SHC4: variants seen among roughly 807,000 people sequenced by gnomAD.
SHC4 encodes SHC-transforming protein 4.
Under a neutral mutation model 69.4 loss-of-function variants are expected in SHC4, and 41 were observed. The ratio of observed to expected loss-of-function variants is 0.59; its 90% CI spans 0.46 to 0.77. The LOEUF (loss-of-function observed/expected upper bound fraction) is 0.77. Among genes scored for constraint, SHC4 ranks in the 30% least tolerant of loss-of-function variants. The pLI is 0.00. For missense variants in SHC4, 777 were observed against 783.8 expected (o/e 0.99, Z 0.10); for synonymous variants, 318 against 299.3 (o/e 1.06, Z -0.64).
chr15:48,916,716 A>G (rs1900629280), intron 2 of SHC4, among the ~76,000 whole-genome samples: 1 of 151,922 alleles, frequency 6.6e-6, no homozygotes, highest in Non-Finnish European at 1.5e-5. Flanking sequence ...ACAGTTCCCC[A>G]TTTTCCTTCA....
intron 11 of SHC4, among the ~76,000 whole-genome samples, chr15:48,828,411 G>T (rs529377145): frequency 2.0e-5 from 3 of 152,016 alleles, no homozygotes; most frequent in Non-Finnish European, 4.4e-5. Flanking sequence ...ATTGTTTAGT[G>T]GATCTTAGTT....
At chr15:48,843,941 A>G (rs1899041875) in intron 9 of SHC4, among the ~76,000 whole-genome samples, 1 of 152,250 alleles carries the variant, frequency 6.6e-6, no homozygotes, top group South Asian at 2.1e-4. Flanking sequence ...AACACTGCTC[A>G]GAGGGGTTGC....
At chr15:48,870,003 A>G (rs1899637240) in intron 5 of SHC4, among the ~76,000 whole-genome samples, 1 of 152,212 alleles carries the variant, frequency 6.6e-6, no homozygotes, top group South Asian at 2.1e-4. Flanking sequence ...AAAAATTAAG[A>G]TTCTGGAGAA....
intron 11 of SHC4, among the ~76,000 whole-genome samples, chr15:48,826,333 C>T (rs1898688861): frequency 6.6e-6 from 1 of 151,388 alleles, no homozygotes; most frequent in Admixed American, 6.6e-5. Flanking sequence ...CTCACTGCAA[C>T]CTCCACCTCC....
intron 10 of SHC4, among the ~76,000 whole-genome samples, chr15:48,837,316 CT>C (rs1472154725): frequency 2.0e-5 from 3 of 152,294 alleles, no homozygotes; most frequent in Admixed American, 2.0e-4. Flanking sequence ...CAAACATTTG[CT>C]GAAAATCTGA....
Position 48,896,378 on chromosome 15 carries a change from T to C in SHC4, c.657-5567A>G, listed in dbSNP as rs368305642. Among the ~76,000 whole-genome samples the C allele has an allele frequency of 2.5e-4, 38 of 151,066 alleles. No homozygotes were observed. The East Asian group carries it at 6.1e-3, about 24-fold the overall frequency. On this transcript the variant is annotated intron_variant, in intron 2 of 11. Transcript: ENST00000332408. ...CTCTGTCGGCCAGGCTGGAGTTCAA[T>C]GGCATGATCTCAGCTCACTGCAACC...
At chr15:48,888,083 A>G (rs1160509277) in intron 3 of SHC4, among the ~76,000 whole-genome samples, 9 of 152,356 alleles carry the variant, frequency 5.9e-5, no homozygotes, top group Admixed American at 2.6e-4. Context: ...AAAAAATAGA[A>G]TAACCACATG....
intron 10 of SHC4, among the ~76,000 whole-genome samples, chr15:48,837,932 T>C (rs1394822852): frequency 1.3e-5 from 2 of 152,142 alleles, no homozygotes; most frequent in Non-Finnish European, 2.9e-5. Context: ...GGATGAGACA[T>C]TTAAAGAAAC....
intron 1 of SHC4, chr15:48,946,660 T>C: frequency 1.1e-6 from 1 of 901,680 alleles, no homozygotes; most frequent in Non-Finnish European, 1.3e-6. Flanking sequence ...TGTTCCCCAT[T>C]CCTTGCTTAT....
At chr15:48,961,951 G>A (rs1901552805) in intron 1 of SHC4, among the ~76,000 whole-genome samples, 1 of 152,184 alleles carries the variant, frequency 6.6e-6, no homozygotes, top group African/African-American at 2.4e-5. Context: ...GTTAAATGCT[G>A]AAATAAATTT....
intron 4 of SHC4, among the ~76,000 whole-genome samples, chr15:48,874,161 AGTT>A (rs1255280134): frequency 6.6e-6 from 1 of 152,228 alleles, no homozygotes; most frequent in East Asian, 1.9e-4. Flanking sequence ...GAGTTAGCGC[AGTT>A]TTTTAAAGAA....
intron 10 of SHC4, 145 bp downstream of exon 10, chr15:48,843,264 C>T (rs1031573889): frequency 4.1e-5 from 30 of 728,624 alleles, no homozygotes; most frequent in Non-Finnish European, 6.9e-5. Context: ...GGATTCTCTT[C>T]CAGAGGTCCT....
At chr15:48,954,699 G>T (rs983920249) in intron 1 of SHC4, among the ~76,000 whole-genome samples, 5 of 152,172 alleles carry the variant, frequency 3.3e-5, no homozygotes, top group African/African-American at 1.2e-4. Flanking sequence ...GGCGCTGCTG[G>T]CCGGGAGAAA....
intron 1 of SHC4, among the ~76,000 whole-genome samples, chr15:48,957,360 G>A (rs868024984): frequency 2.0e-5 from 3 of 152,256 alleles, no homozygotes; most frequent in Non-Finnish European, 2.9e-5. Context: ...TGTCAGAGCC[G>A]TTACTTCAAT....
At chr15:48,844,202 C>T (rs1019893474) in intron 9 of SHC4, among the ~76,000 whole-genome samples, 1 of 152,204 alleles carries the variant, frequency 6.6e-6, no homozygotes, top group Non-Finnish European at 1.5e-5. Context: ...ATGAAAAGAA[C>T]TCAAGCCTCA....
At chr15:48,901,152 A>G (rs942858863) in intron 2 of SHC4, among the ~76,000 whole-genome samples, 3 of 152,172 alleles carry the variant, frequency 2.0e-5, no homozygotes, top group African/African-American at 7.2e-5. Flanking sequence ...AAATTGTCAA[A>G]ACCATTCTTG....
intron 2 of SHC4, among the ~76,000 whole-genome samples, chr15:48,915,618 T>C (rs1296865032): frequency 6.6e-6 from 1 of 152,178 alleles, no homozygotes; most frequent in African/African-American, 2.4e-5. Context: ...GGATGCTATG[T>C]TTTATTGCAT....
intron 8 of SHC4, among the ~76,000 whole-genome samples, chr15:48,852,076 A>C (rs1230312952): frequency 6.6e-6 from 1 of 152,252 alleles, no homozygotes; most frequent in Non-Finnish European, 1.5e-5. Context: ...TAGAGGAATC[A>C]AGTTTGGAGT....
At chr15:48,885,419 A>G (rs1227705849) in intron 3 of SHC4, among the ~76,000 whole-genome samples, 1 of 152,222 alleles carries the variant, frequency 6.6e-6, no homozygotes, top group African/African-American at 2.4e-5. Context: ...GGCTGGTTAC[A>G]TGAGAGCTGT....
Sources: gnomAD v4.1 joint callset for allele counts (sites outside exome capture counted in the v4.1 genomes callset) on GRCh38, gnomAD v4.1.1 for gene constraint, MANE v1.5 for transcripts, NCBI Gene and HGNC (gene_info 2026-07-23, HGNC 2026-07-21) for gene names.